Variants in DDX10 observed in about 807,000 individuals in gnomAD.
DDX10 encodes the protein probable ATP-dependent RNA helicase DDX10.
DDX10 carries 74 observed loss-of-function variants against 104.3 expected under a neutral mutation model. The ratio of observed to expected loss-of-function variants is 0.71; its 90% CI spans 0.59 to 0.86. The LOEUF (loss-of-function observed/expected upper bound fraction) is 0.86, where lower values mean the gene tolerates loss of function less well. DDX10 is among the 40% of genes least tolerant of loss of function. The pLI is 0.00. For missense variants in DDX10, 952 were observed against 1,040.0 expected (o/e 0.92, Z 1.16); for synonymous variants, 351 against 353.4 (o/e 0.99, Z 0.08).
intron 13 of DDX10, among the ~76,000 whole-genome samples, chr11:108,778,117 G>A (rs560662980): frequency 1.3e-5 from 2 of 152,270 alleles, no homozygotes; most frequent in African/African-American, 4.8e-5. Flanking sequence ...TGGCCATACT[G>A]CCCAAGGTAA....
intron 13 of DDX10, among the ~76,000 whole-genome samples, chr11:108,808,903 G>A (rs1862138362): frequency 6.6e-6 from 1 of 152,200 alleles, no homozygotes; most frequent in South Asian, 2.1e-4. Context: ...ATTAGGGCAT[G>A]TACGTAGTTT....
intron 16 of DDX10, among the ~76,000 whole-genome samples, chr11:108,875,498 CA>C (rs1020453075): frequency 5.3e-5 from 8 of 152,110 alleles, no homozygotes; most frequent in Non-Finnish European, 4.4e-5. Context: ...GGTCTCTCAG[CA>C]AGAGATTTGT....
chr11:108,716,136 C>T (rs1361439927), intron 11 of DDX10, among the ~76,000 whole-genome samples, 170 bp downstream of exon 11: 4 of 151,866 alleles, frequency 2.6e-5, no homozygotes, highest in Non-Finnish European at 5.9e-5. Flanking sequence ...CACTCTGTAG[C>T]CCTAGCTGGA....
intron 16 of DDX10, among the ~76,000 whole-genome samples, chr11:108,909,902 G>T (rs143098824): frequency 6.6e-6 from 1 of 152,288 alleles, no homozygotes; most frequent in Admixed American, 6.5e-5. Flanking sequence ...GTGGAAAGAG[G>T]CTTGACTAGT....
intron 13 of DDX10, among the ~76,000 whole-genome samples, chr11:108,805,601 C>CT (rs1159492007): frequency 4.6e-5 from 7 of 152,100 alleles, no homozygotes; most frequent in African/African-American, 1.7e-4. Flanking sequence ...TTTCCTCCTG[C>CT]TTTTAATACT....
At chr11:108,903,910 T>C (rs935357006) in intron 16 of DDX10, among the ~76,000 whole-genome samples, 1 of 152,210 alleles carries the variant, frequency 6.6e-6, no homozygotes, top group African/African-American at 2.4e-5. Context: ...TCTGTGGATA[T>C]GTATTAAGTT....
chr11:108,863,647 T>C (rs370711094), intron 16 of DDX10, among the ~76,000 whole-genome samples: 5 of 152,324 alleles, frequency 3.3e-5, no homozygotes, highest in African/African-American at 1.2e-4. Context: ...CATGTCTGAA[T>C]TCTAAACACA....
At chr11:108,831,082 T>C (rs1197441566) in intron 13 of DDX10, among the ~76,000 whole-genome samples, 3 of 152,120 alleles carry the variant, frequency 2.0e-5, no homozygotes, top group Non-Finnish European at 4.4e-5. Context: ...GTTTGGACTT[T>C]GGGGAAACAG....
At chr11:108,745,190 T>TC (rs745605551) in intron 13 of DDX10, among the ~76,000 whole-genome samples, 5 of 95,590 alleles carry the variant, frequency 5.2e-5, no homozygotes, top group South Asian at 5.0e-4. Context: ...TCCCCTCCCC[T>TC]TCCTTCCCTT....
chr11:108,879,221 C>T (rs180683498), intron 16 of DDX10, among the ~76,000 whole-genome samples: 3 of 152,162 alleles, frequency 2.0e-5, no homozygotes, highest in Non-Finnish European at 4.4e-5. Context: ...AGGATGATCT[C>T]GATCTTCTGA....
intron 13 of DDX10, among the ~76,000 whole-genome samples, chr11:108,732,236 G>A (rs1245300012): frequency 6.6e-6 from 1 of 152,054 alleles, no homozygotes; most frequent in Non-Finnish European, 1.5e-5. Context: ...TTTTCCTTAT[G>A]ACAAGAAAGG....
chr11:108,848,894 A>G (rs757849571), intron 15 of DDX10, among the ~76,000 whole-genome samples: 14 of 152,150 alleles, frequency 9.2e-5, no homozygotes, highest in African/African-American at 2.2e-4. Context: ...GCAATGGTCT[A>G]TATCTCTTTT....
At chr11:108,667,173 A>C (rs929467943) in intron 1 of DDX10, among the ~76,000 whole-genome samples, 1 of 152,234 alleles carries the variant, frequency 6.6e-6, no homozygotes, top group African/African-American at 2.4e-5. Context: ...TGTAGTCCTA[A>C]GGGTGGAACT....
intron 16 of DDX10, among the ~76,000 whole-genome samples, chr11:108,856,139 A>T (rs894290221): frequency 6.6e-6 from 1 of 152,144 alleles, no homozygotes; most frequent in Non-Finnish European, 1.5e-5. Flanking sequence ...AATTAATTTT[A>T]AAACTCTAGG....
intron 13 of DDX10, among the ~76,000 whole-genome samples, chr11:108,750,003 A>G (rs1204435070): frequency 6.6e-6 from 1 of 152,136 alleles, no homozygotes; most frequent in Non-Finnish European, 1.5e-5. Context: ...ATCAAGTATG[A>G]TCAAAGCTAA....
At chr11:108,836,760 A>G (rs1269907306) in intron 13 of DDX10, among the ~76,000 whole-genome samples, 1 of 152,138 alleles carries the variant, frequency 6.6e-6, no homozygotes, top group Non-Finnish European at 1.5e-5. Context: ...AAGTGCTGGG[A>G]TTATAGGTGT....
intron 16 of DDX10, among the ~76,000 whole-genome samples, chr11:108,872,480 A>C (rs1390269609): frequency 6.6e-6 from 1 of 152,196 alleles, no homozygotes; most frequent in Non-Finnish European, 1.5e-5. Flanking sequence ...ATGCGGGTGT[A>C]GTTTATAAAA....
intron 13 of DDX10, among the ~76,000 whole-genome samples, chr11:108,819,751 A>G (rs2134576289): frequency 6.6e-6 from 1 of 152,200 alleles, no homozygotes; most frequent in East Asian, 1.9e-4. Context: ...GGTGCCTGCC[A>G]CCACGCCCAG....
chr11:108,716,222 G>T (rs58064663), intron 11 of DDX10, among the ~76,000 whole-genome samples: 1 of 151,654 alleles, frequency 6.6e-6, no homozygotes, highest in East Asian at 1.9e-4. Flanking sequence ...CAGCCTCCCG[G>T]GTAGCTGGGA....
Sources: allele counts gnomAD v4.1 joint callset (sites outside exome capture counted in the v4.1 genomes callset), GRCh38; gene constraint gnomAD v4.1.1; transcripts MANE v1.5; gene names NCBI Gene and HGNC (gene_info 2026-07-23, HGNC 2026-07-21).